The following UPF2 variants were observed in gnomAD, a reference collection of about 807,000 sequenced individuals.
UPF2 encodes the protein regulator of nonsense transcripts 2.
A neutral mutation model predicts 141.4 loss-of-function variants in UPF2; 17 were observed. The ratio of observed to expected loss-of-function variants is 0.12; its 90% CI spans 0.08 to 0.18. UPF2 has a LOEUF of 0.18. UPF2 is among the 10% of genes least tolerant of loss of function. UPF2 has a pLI of 1.00. For synonymous variants in UPF2, 540 were observed against 498.0 expected (o/e 1.08, Z -1.12); for missense variants, 1,152 against 1,515.9 (o/e 0.76, Z 3.99).
At position 12,028,912 on chromosome 10, in the gene UPF2, T is replaced by C. The variant is rs1834466840; in HGVS notation, c.978A>G (p.Lys326=). 24 of 1,614,074 alleles carry C rather than the reference T, an allele frequency of 1.5e-5. No homozygotes were observed. Among genetic ancestry groups the C allele is most frequent in the Non-Finnish European group, 1.8e-5 (21 of 1,180,048 alleles). ...TAAACTTCTCTGCAGCACTCTTTAC[T>C]TTCCTTGGTACAAGTCCAGCAATAT... The part of the protein sequence containing the change: ...GDDIAGLVPR[K]VKSAAEKFNL... Residue 326 remains lysine (K), a synonymous_variant, in exon 3 of 22, where the codon AAA becomes AAG. Transcript: ENST00000357604.
intron 3 of UPF2, among the ~76,000 whole-genome samples, chr10:12,024,929 T>TAAAA (rs1491350800): frequency 9.5e-5 from 1 of 10,548 alleles, no homozygotes; most frequent in Non-Finnish European, 2.3e-4. Context: ...GAGACCCTGT[T>TAAAA]ACAAAAAAAA....
intron 19 of UPF2, among the ~76,000 whole-genome samples, chr10:11,932,519 A>G (rs1159321126): frequency 6.6e-6 from 1 of 152,216 alleles, no homozygotes; most frequent in African/African-American, 2.4e-5. Context: ...GAACTCTGAG[A>G]CAAGTTTTAC....
Position 11,943,154 on chromosome 10 carries a change from A to G in UPF2, c.3189T>C (p.Asn1063=). ...CCTCTTCTTCTCCCTCATCATCATC[A>G]TTATCAGAACCCTCCTGAAATTATT... ...NEPEEEEGSD[N]DDDEGEEEEE... Residue 1063 remains asparagine, a synonymous_variant, in exon 17 of 22, where the codon AAT becomes AAC. Transcript: ENST00000357604. The G allele has an allele frequency of 1.2e-6, 2 of 1,609,680 alleles. No homozygotes were observed. The highest frequency in any genetic ancestry group is 1.1e-5 in the South Asian group (1 of 90,872).
chr10:12,040,292 C>T (rs1440717696), intron 1 of UPF2, among the ~76,000 whole-genome samples: 1 of 152,058 alleles, frequency 6.6e-6, no homozygotes, highest in Non-Finnish European at 1.5e-5. Flanking sequence ...CGTGGCAGCA[C>T]ACGCCTGTAG....
Position 11,967,422 on chromosome 10 carries a change from T to C in UPF2, c.1986A>G (p.Thr662=). 6.3e-7 allele frequency: 1 copy of C among 1,583,340 alleles called. No homozygotes were observed. The change falls in exon 10 of 22, where the codon ACA becomes ACG. Residue 662 remains threonine, a synonymous_variant. Coordinates refer to ENST00000357604, the MANE Select transcript of UPF2 (RefSeq NM_015542.4). ...VRKKDQINIE[T]KNKTVRFIGE... ...CTATAAAACGAACAGTTTTATTCTT[T>C]GTTTCAATATTGATCTGGTCCTTTT... is the stretch of plus-strand genomic sequence containing the variant.
intron 8 of UPF2, among the ~76,000 whole-genome samples, chr10:11,996,464 T>G (rs1187203227): frequency 3.9e-5 from 6 of 151,978 alleles, no homozygotes; most frequent in African/African-American, 1.4e-4. Flanking sequence ...TCTCCTGCCA[T>G]GGCCTCATGA....
intron 5 of UPF2, among the ~76,000 whole-genome samples, chr10:12,003,366 A>C (rs1246711365): frequency 6.6e-6 from 1 of 152,208 alleles, no homozygotes. Flanking sequence ...AAATTAAACT[A>C]ATATGCATAA....
chr10:11,930,628 T>C (rs1832771842), intron 20 of UPF2, among the ~76,000 whole-genome samples: 2 of 152,058 alleles, frequency 1.3e-5, no homozygotes, highest in Admixed American at 1.3e-4. Context: ...AATTAAAAAT[T>C]AGCCAGGTAT....
In UPF2 at chr10:11,920,353, AAAC is replaced by A. The variant is rs1832625244; in HGVS notation, c.*942_*944del. 6.6e-6 allele frequency: 1 copy of A among 152,196 alleles called. No individual in the cohort carries two copies. Among genetic ancestry groups the A allele is most frequent in the Admixed American group, 6.5e-5 (1 of 15,280 alleles). The allele number at this position is 152,196 out of a possible 1,614,324, so 9.4% of individuals were successfully genotyped here. On this transcript the variant is annotated 3_prime_UTR_variant, in exon 22 of 22. Transcript: ENST00000357604. ...ATTTAGTGGGGGAAAACAAAAAAAA[AAAC>A]AAAACAAAAACAAAAGCAAAATAAA...
At position 11,953,756 on chromosome 10, in the gene UPF2, T is replaced by C. The variant is rs770724853; in HGVS notation, c.2850+1476A>G. ...GGACTGCAACCCTCAAATCTGCAAG[T>C]CCTTTTCCCCACTTTTTGCTCATCA... On this transcript the variant is annotated intron_variant, in intron 14 of 21. Coordinates refer to ENST00000357604, the MANE Select transcript of UPF2 (RefSeq NM_015542.4). The surrounding 1 kb of genome is among the most constrained non-coding windows in gnomAD (Gnocchi z 5.0). Among the ~76,000 whole-genome samples, 2 of 152,176 alleles carry C rather than the reference T, an allele frequency of 1.3e-5. No homozygotes were observed. Among genetic ancestry groups the C allele is most frequent in the Non-Finnish European group, 2.9e-5 (2 of 68,028 alleles).
chr10:11,927,112 GT>G (rs1832723199), intron 21 of UPF2, among the ~76,000 whole-genome samples: 1 of 152,154 alleles, frequency 6.6e-6, no homozygotes, highest in Non-Finnish European at 1.5e-5. Flanking sequence ...AACCGTGCAG[GT>G]AAAGACCCTG....
At chr10:12,020,494 G>A (rs1378011129) in intron 3 of UPF2, among the ~76,000 whole-genome samples, 1 of 152,052 alleles carries the variant, frequency 6.6e-6, no homozygotes, top group Non-Finnish European at 1.5e-5. Flanking sequence ...CAGGTGATCC[G>A]CCAGCCTCAG....
Position 12,003,035 on chromosome 10 carries a change from A to G in UPF2, c.1505-1210T>C, listed in dbSNP as rs1227630962. Among the ~76,000 whole-genome samples, 9 of 152,308 alleles carry G rather than the reference A, an allele frequency of 5.9e-5. No homozygotes were observed. In the East Asian group the frequency reaches 1.5e-3, roughly 26 times the overall value. On this transcript the variant is annotated intron_variant, in intron 5 of 21. Coordinates refer to ENST00000357604, the MANE Select transcript of UPF2 (RefSeq NM_015542.4). Reference sequence around the variant, plus strand: ...CTTATTTGGGAGGATGAAAACTCTAACTAGTATGAATCAGTTTTGCTACCT... The same window carrying G: ...CTTATTTGGGAGGATGAAAACTCTAGCTAGTATGAATCAGTTTTGCTACCT...
chr10:11,977,990 G>A (rs1242547841), intron 9 of UPF2, among the ~76,000 whole-genome samples: 1 of 152,164 alleles, frequency 6.6e-6, no homozygotes, highest in East Asian at 1.9e-4. Context: ...AACAAGAAGT[G>A]CTTACAGACC....
Position 11,955,378 on chromosome 10 carries a change from T to C in UPF2, c.2704A>G (p.Asn902Asp), listed in dbSNP as rs373340381. ...AGGGAACTTGGAGAGCCATCAGGAT[T>C]AACACCAAATGAGGTAAAAGAATAC... Reference protein sequence around the residue: ...TLYSFTSFGVNPDGSPSSLDP... With the variant: ...TLYSFTSFGVDPDGSPSSLDP... The change falls in exon 14 of 22, where the codon AAT becomes GAT. Residue 902 changes from asparagine to aspartate, a missense_variant. Asn to Asp is a conservative substitution (Grantham distance 23). Transcript: ENST00000357604. The C allele has an allele frequency of 1.2e-6, 2 of 1,614,138 alleles. No individual in the cohort carries two copies. The highest frequency in any genetic ancestry group is 3.3e-5 in the Admixed American group (2 of 60,008).
At chr10:11,937,890 A>C (rs1416042650) in intron 18 of UPF2, among the ~76,000 whole-genome samples, 1 of 152,228 alleles carries the variant, frequency 6.6e-6, no homozygotes, top group Non-Finnish European at 1.5e-5. Context: ...CTTTTTACTT[A>C]AAATTCAAAA....
In UPF2 at chr10:11,936,623, C is replaced by A. The variant is rs1832854440; in HGVS notation, c.3468G>T (p.Leu1156=). 1 of 1,613,406 alleles carries A rather than the reference C, an allele frequency of 6.2e-7. No individual in the cohort carries two copies. Among genetic ancestry groups the A allele is most frequent in the Admixed American group, 1.7e-5 (1 of 59,908 alleles). ...ACTCAGCCTCTCCTTCCCCACCTCC[C>A]AGTGGGGGCCCTTTCCTCAGCTGGC... is the stretch of plus-strand genomic sequence containing the variant. The part of the protein sequence containing the change: ...LKSQLRKGPP[L]GGGEGEAESA... The change falls in exon 19 of 22, where the codon CTG becomes CTT. Residue 1156 remains leucine (L), a synonymous_variant. Coordinates refer to ENST00000357604, the MANE Select transcript of UPF2 (RefSeq NM_015542.4). The surrounding 1 kb of genome is among the most constrained non-coding windows in gnomAD (Gnocchi z 6.6).
At chr10:11,999,833 C>A in intron 7 of UPF2, 73 bp downstream of exon 7, 1 of 1,231,502 alleles carries the variant, frequency 8.1e-7, no homozygotes, top group African/African-American at 1.5e-5. Context: ...GTCTAAAAAC[C>A]ATAGACATTC....
intron 9 of UPF2, among the ~76,000 whole-genome samples, chr10:11,975,678 T>C (rs554764853): frequency 5.5e-4 from 83 of 151,894 alleles, no homozygotes; most frequent in African/African-American, 2.0e-3. Flanking sequence ...CCGGCTAATT[T>C]TGTTGTTTTT....
Sources: allele counts gnomAD v4.1 joint callset (sites outside exome capture counted in the v4.1 genomes callset), GRCh38; gene constraint gnomAD v4.1.1; non-coding constraint Gnocchi (gnomAD v3.1); transcripts MANE v1.5; gene names NCBI Gene and HGNC (gene_info 2026-07-23, HGNC 2026-07-21).